PELI2: variants seen among roughly 807,000 people sequenced by gnomAD.
The protein encoded by PELI2 is E3 ubiquitin-protein ligase pellino homolog 2.
A neutral mutation model predicts 42.3 loss-of-function variants in PELI2; 23 were observed. That is an observed-to-expected ratio of 0.54 (90% CI 0.39 to 0.77). The LOEUF (loss-of-function observed/expected upper bound fraction) is 0.77, where lower values mean the gene tolerates loss of function less well. PELI2 is among the 30% of genes least tolerant of loss of function. The pLI is 0.00. For missense variants in PELI2, 463 were observed against 553.2 expected (o/e 0.84, Z 1.64); for synonymous variants, 245 against 212.2 (o/e 1.15, Z -1.34).
intron 2 of PELI2, among the ~76,000 whole-genome samples, chr14:56,232,129 C>A (rs79130606): frequency 6.6e-6 from 1 of 152,066 alleles, no homozygotes; most frequent in Non-Finnish European, 1.5e-5. Flanking sequence ...AGCTTACCAA[C>A]CAAAAAAAGT....
chr14:56,172,546 T>C (rs1407223332), intron 1 of PELI2, among the ~76,000 whole-genome samples: 1 of 152,146 alleles, frequency 6.6e-6, no homozygotes, highest in African/African-American at 2.4e-5. Context: ...TGGGAGACTC[T>C]TAAGGAGGGG....
chr14:56,253,729 C>T lies in PELI2; in HGVS notation c.208-25947C>T, dbSNP rs150558092. ...CACAAGCAAACGGAAAAACATTCCA[C>T]GCTCATGGATAGGAAGACTCAATAT... On this transcript the variant is annotated intron_variant, in intron 2 of 5. Coordinates refer to ENST00000267460, the MANE Select transcript of PELI2 (RefSeq NM_021255.3). 4.3e-4 allele frequency among the ~76,000 whole-genome samples: 65 copies of T among 152,250 alleles called. 2 individuals are homozygous for T. In the East Asian group the frequency reaches 0.01, roughly 24 times the overall value.
intron 2 of PELI2, among the ~76,000 whole-genome samples, chr14:56,260,186 TATCCCCAGATATATAC>T (rs1888662529): frequency 6.6e-6 from 1 of 152,084 alleles, no homozygotes; most frequent in Non-Finnish European, 1.5e-5. Flanking sequence ...GAAATGTATA[TATCCCCAGATATATAC>T]ATTTCTGGGT....
At chr14:56,237,944 T>C (rs1222579057) in intron 2 of PELI2, among the ~76,000 whole-genome samples, 1 of 152,082 alleles carries the variant, frequency 6.6e-6, no homozygotes, top group Non-Finnish European at 1.5e-5. Flanking sequence ...ACTCAGATCT[T>C]ATTCATCCTC....
intron 1 of PELI2, among the ~76,000 whole-genome samples, chr14:56,171,200 T>A (rs1885155649): frequency 6.6e-6 from 1 of 152,158 alleles, no homozygotes; most frequent in South Asian, 2.1e-4. Flanking sequence ...GCAACAGTGT[T>A]GAGAGGCGGG....
intron 1 of PELI2, among the ~76,000 whole-genome samples, chr14:56,123,529 A>G (rs964395810): frequency 3.9e-5 from 6 of 152,176 alleles, no homozygotes; most frequent in Non-Finnish European, 5.9e-5. Flanking sequence ...TTGAGTTGCT[A>G]TATTTTCCTT....
At chr14:56,267,635 A>G (rs941840930) in intron 2 of PELI2, among the ~76,000 whole-genome samples, 12 of 152,166 alleles carry the variant, frequency 7.9e-5, no homozygotes, top group Non-Finnish European at 2.9e-5. Context: ...AAATATTTTC[A>G]TGGTTCTGTA....
intron 1 of PELI2, among the ~76,000 whole-genome samples, chr14:56,156,799 A>G (rs564630276): frequency 3.9e-5 from 6 of 152,320 alleles, no homozygotes; most frequent in Admixed American, 3.3e-4. Context: ...GTTGGACAAT[A>G]CGGATCTATA....
chr14:56,118,573 A>C lies in PELI2; in HGVS notation c.-88A>C. On this transcript the variant is annotated 5_prime_UTR_variant, in exon 1 of 6. It removes an upstream start codon present in the reference 5' UTR. Transcript: ENST00000267460. ...CCGGCGCGCTCACCCCGTTCTCGGG[A>C]TGGGATTGTAGCGGCGGCGCGGACT... 3.6e-6 allele frequency: 3 copies of C among 828,916 alleles called. No homozygotes were observed. Among genetic ancestry groups the C allele is most frequent in the Non-Finnish European group, 3.3e-6 (2 of 606,042 alleles). 51.3% of individuals were successfully genotyped at this position (828,916 alleles called of 1,614,324 possible).
intron 2 of PELI2, among the ~76,000 whole-genome samples, chr14:56,255,567 A>C (rs1280386383): frequency 6.6e-6 from 1 of 152,162 alleles, no homozygotes; most frequent in Admixed American, 6.5e-5. Context: ...AAACCACCAT[A>C]GCACATGTAT....
At position 56,259,918 on chromosome 14, in the gene PELI2, T is replaced by C. The variant is rs185647562; in HGVS notation, c.208-19758T>C. Reference sequence around the variant, plus strand: ...TTATGGATAAATTTAACAAAATGCATGTAATATTGCATACTATAAACTGCA... The same window carrying C: ...TTATGGATAAATTTAACAAAATGCACGTAATATTGCATACTATAAACTGCA... On this transcript the variant is annotated intron_variant, in intron 2 of 5. Transcript: ENST00000267460. 5.9e-5 allele frequency among the ~76,000 whole-genome samples: 9 copies of C among 152,218 alleles called. No homozygotes were observed. The East Asian group carries it at 1.3e-3, about 23-fold the overall frequency.
At chr14:56,137,881 T>G (rs557463331) in intron 1 of PELI2, among the ~76,000 whole-genome samples, 2 of 152,320 alleles carry the variant, frequency 1.3e-5, no homozygotes, top group East Asian at 1.9e-4. Context: ...TATTTCAGTT[T>G]GAGGTTGGGA....
At chr14:56,200,087 A>G (rs1299874350) in intron 2 of PELI2, among the ~76,000 whole-genome samples, 5 of 152,244 alleles carry the variant, frequency 3.3e-5, no homozygotes, top group Admixed American at 3.3e-4. Flanking sequence ...ACAGAATTCA[A>G]GGCCTCAATA....
chr14:56,203,408 T>C (rs2139711612), intron 2 of PELI2, among the ~76,000 whole-genome samples: 1 of 152,244 alleles, frequency 6.6e-6, no homozygotes, highest in South Asian at 2.1e-4. Context: ...AAAGGTATGT[T>C]TTTTGCAAAT....
At chr14:56,126,482 T>C (rs1181686107) in intron 1 of PELI2, among the ~76,000 whole-genome samples, 3 of 152,226 alleles carry the variant, frequency 2.0e-5, no homozygotes, top group Admixed American at 1.3e-4. Context: ...TAAGAAATCA[T>C]TGTTTCAAGC....
chr14:56,200,623 T>G (rs12881079), intron 2 of PELI2, among the ~76,000 whole-genome samples: 61,359 of 152,066 alleles, frequency 0.4, 13,088 homozygotes, highest in South Asian at 0.53. Flanking sequence ...ACACACGCAG[T>G]TGTTGAAATA....
chr14:56,288,365 T>C lies in PELI2; in HGVS notation c.310-72T>C. 1 of 1,168,886 alleles carries C rather than the reference T, an allele frequency of 8.6e-7. No individual in the cohort carries two copies. Among genetic ancestry groups the C allele is most frequent in the Non-Finnish European group, 1.3e-6 (1 of 795,620 alleles). 72.4% of individuals were successfully genotyped at this position (1,168,886 alleles called of 1,614,324 possible). A position where few individuals can be genotyped will look rare whatever the true frequency, so the allele number is the denominator to read the frequency against. The stretch of plus-strand genomic sequence containing the variant: ...TGAATGTTAAAGGAATCCTGAATGC[T>C]TTTTCCTTGTGAATAAAATACGGCA... On this transcript the variant is annotated intron_variant, in intron 3 of 5. Coordinates refer to ENST00000267460, the MANE Select transcript of PELI2 (RefSeq NM_021255.3). The surrounding 1 kb of genome is among the most constrained non-coding windows in gnomAD (Gnocchi z 4.6).
intron 2 of PELI2, among the ~76,000 whole-genome samples, chr14:56,270,858 T>C (rs957925047): frequency 1.3e-5 from 2 of 152,222 alleles, no homozygotes; most frequent in African/African-American, 4.8e-5. Context: ...GTTGTTTTTT[T>C]CAGCATCAGA....
At chr14:56,227,944 T>A (rs1365457351) in intron 2 of PELI2, among the ~76,000 whole-genome samples, 1 of 152,178 alleles carries the variant, frequency 6.6e-6, no homozygotes, top group East Asian at 1.9e-4. Context: ...ACCAAAAAAA[T>A]GCAGATTCAA....
Sources: allele counts gnomAD v4.1 joint callset (sites outside exome capture counted in the v4.1 genomes callset), GRCh38; gene constraint gnomAD v4.1.1; non-coding constraint Gnocchi (gnomAD v3.1); transcripts MANE v1.5; gene names NCBI Gene and HGNC (gene_info 2026-07-23, HGNC 2026-07-21).